The following SMARCA1 variants were observed in gnomAD, a reference collection of about 807,000 sequenced individuals.
SMARCA1 encodes SWI/SNF-related matrix-associated actin-dependent regulator of chromatin subfamily A member 1.
In SMARCA1, 17 loss-of-function variants were observed where a neutral mutation model predicts 93.6. That is an observed-to-expected ratio of 0.18 (90% CI 0.12 to 0.27). SMARCA1 has a LOEUF of 0.27. Among genes scored for constraint, SMARCA1 ranks in the 10% least tolerant of loss-of-function variants. SMARCA1 has a pLI of 1.00. For synonymous variants in SMARCA1, 271 were observed against 271.4 expected (o/e 1.00, Z 0.01); for missense variants, 630 against 819.0 (o/e 0.77, Z 2.82).
intron 9 of SMARCA1, among the ~76,000 whole-genome samples, chrX:129,504,203 G>A (rs913655199): frequency 1.4e-4 from 16 of 111,650 alleles, no homozygotes; most frequent in African/African-American, 2.3e-4. Context: ...GCTTGAGCTC[G>A]GGAGGCGGAC....
At chrX:129,459,504 C>T (rs1278362255) in intron 23 of SMARCA1, among the ~76,000 whole-genome samples, 2 of 112,559 alleles carry the variant, frequency 1.8e-5, no homozygotes, top group African/African-American at 6.4e-5. Flanking sequence ...CCTGTTAGTG[C>T]ATTAATTGTA....
chrX:129,521,873 A>C (rs1441739694), intron 1 of SMARCA1, among the ~76,000 whole-genome samples: 2 of 112,426 alleles, frequency 1.8e-5, no homozygotes, highest in African/African-American at 3.2e-5. Flanking sequence ...TCAACCTTGT[A>C]ATAGTAAAAT....
chrX:129,466,839 A>T (rs116494247), intron 21 of SMARCA1, among the ~76,000 whole-genome samples: 6,250 of 98,675 alleles, frequency 0.063, 440 homozygotes, highest in African/African-American at 0.22. Context: ...TTTTCTCATA[A>T]AAAAAAAAAA....
At chrX:129,485,244 C>T (rs1021089426) in intron 17 of SMARCA1, among the ~76,000 whole-genome samples, 8 of 112,431 alleles carry the variant, frequency 7.1e-5, no homozygotes, top group Non-Finnish European at 1.5e-4. Context: ...ATTTCTCACA[C>T]TAGTGTGCCC....
At chrX:129,497,047 A>T (rs1456439205) in intron 11 of SMARCA1, among the ~76,000 whole-genome samples, 176 bp from the exon 12 acceptor site, 5 of 111,113 alleles carry the variant, frequency 4.5e-5, no homozygotes, top group African/African-American at 1.3e-4. Context: ...AAGAGATGCT[A>T]TATATAGAAT....
rs926808666 is a variant in SMARCA1 at position 129,481,161 on chromosome X, G to T, written c.2242C>A (p.Pro748Thr). The change falls in exon 18 of 25, where the codon CCT (proline) becomes ACT (threonine). Residue 748 changes from proline (P) to threonine (T), a missense_variant. By Grantham distance (38) the Pro-to-Thr change is conservative (BLOSUM62 -1). Transcript: ENST00000371121. ...TTTGCTTTGCGTTCTCGTTTAGGAG[G>T]TTCAATCCATTCCACCATGCCAAGC... ...QKLGMVEWIE[P>T]PKRERKANYA... The T allele has an allele frequency of 8.3e-7, 1 of 1,197,618 alleles. No homozygotes were observed. The highest frequency in any genetic ancestry group is 1.8e-5 in the African/African-American group (1 of 56,941).
chrX:129,502,219 T>G (rs1005133813), intron 9 of SMARCA1, among the ~76,000 whole-genome samples: 32 of 111,348 alleles, frequency 2.9e-4, no homozygotes, highest in African/African-American at 1.0e-3. Context: ...GAGGTCAATT[T>G]AGGAGGCGTC....
At chrX:129,505,944 C>A in intron 8 of SMARCA1, 136 bp downstream of exon 8, 1 of 495,384 alleles carries the variant, frequency 2.0e-6, no homozygotes. Flanking sequence ...TTAAAGAACT[C>A]TTTCCTAAGA....
At chrX:129,457,383 G>A (rs757369059) in intron 23 of SMARCA1, among the ~76,000 whole-genome samples, 2 of 111,966 alleles carry the variant, frequency 1.8e-5, no homozygotes, top group East Asian at 5.6e-4. Flanking sequence ...TCCAGTGTGT[G>A]ACTGTGTAAA....
intron 23 of SMARCA1, among the ~76,000 whole-genome samples, chrX:129,457,824 A>G (rs759023101): frequency 1.8e-5 from 2 of 111,871 alleles, no homozygotes; most frequent in African/African-American, 3.2e-5. Context: ...CCATATGACA[A>G]TCTTTCACAT....
chrX:129,511,799 CT>C lies in SMARCA1; in HGVS notation c.810+4del. 1 of 1,181,877 alleles carries C rather than the reference CT, an allele frequency of 8.5e-7. No homozygotes were observed. Among genetic ancestry groups the C allele is most frequent in the Non-Finnish European group, 1.1e-6 (1 of 876,841 alleles). ...ACTGCCTTTTTACACTTGTTTCTCA[CT>C]TACTCTGGCATCCTTGTCTCCGACA... is the stretch of plus-strand genomic sequence containing the variant. On this transcript the variant is annotated splice_donor_region_variant and intron_variant, in intron 6 of 24. Transcript: ENST00000371121.
intron 23 of SMARCA1, among the ~76,000 whole-genome samples, chrX:129,460,369 C>T (rs747863391): frequency 1.8e-5 from 2 of 110,107 alleles, no homozygotes; most frequent in Admixed American, 1.9e-4. Flanking sequence ...AATATTAGGC[C>T]GGGCACGGTG....
chrX:129,516,954 G>T (rs1354773230), intron 2 of SMARCA1, among the ~76,000 whole-genome samples: 1 of 110,680 alleles, frequency 9.0e-6, no homozygotes, highest in African/African-American at 3.3e-5. Flanking sequence ...ACCATAAACT[G>T]AACTCTTAAG....
At chrX:129,474,503 T>G (rs1024216525) in intron 19 of SMARCA1, among the ~76,000 whole-genome samples, 1 of 111,800 alleles carries the variant, frequency 8.9e-6, no homozygotes, top group African/African-American at 3.2e-5. Context: ...TACTAAAAAC[T>G]TCCCCTTTCA....
intron 21 of SMARCA1, among the ~76,000 whole-genome samples, chrX:129,466,981 T>C (rs1370048466): frequency 8.9e-6 from 1 of 111,906 alleles, no homozygotes; most frequent in Non-Finnish European, 1.9e-5. Flanking sequence ...GGCCTTTTAA[T>C]GACATACTCC....
chrX:129,492,202 T>C, intron 13 of SMARCA1, 109 bp from the exon 14 acceptor site: 1 of 458,799 alleles, frequency 2.2e-6, no homozygotes, highest in Non-Finnish European at 3.8e-6. Flanking sequence ...TAGAAAATCT[T>C]CACACACTTT....
intron 17 of SMARCA1, among the ~76,000 whole-genome samples, chrX:129,486,634 T>C (rs1267397655): frequency 9.0e-6 from 1 of 111,077 alleles, no homozygotes; most frequent in Non-Finnish European, 1.9e-5. Context: ...TATTATAACC[T>C]CCATTTGATA....
At chrX:129,466,488 C>T (rs1393214462) in intron 21 of SMARCA1, among the ~76,000 whole-genome samples, 4 of 110,996 alleles carry the variant, frequency 3.6e-5, no homozygotes. Context: ...AACCTCATCT[C>T]TACTAAAAAT....
At chrX:129,520,656 TG>T (rs1935356281) in intron 1 of SMARCA1, among the ~76,000 whole-genome samples, 1 of 110,928 alleles carries the variant, frequency 9.0e-6, no homozygotes, top group Non-Finnish European at 1.9e-5. Flanking sequence ...TGTCTTCCAC[TG>T]CAGTAGCATC....
Sources: allele counts gnomAD v4.1 joint callset (sites outside exome capture counted in the v4.1 genomes callset), GRCh38; gene constraint gnomAD v4.1.1; transcripts MANE v1.5; gene names NCBI Gene and HGNC (gene_info 2026-07-23, HGNC 2026-07-21).